ZNF549: variants seen among roughly 807,000 people sequenced by gnomAD.
ZNF549 encodes zinc finger protein 549.
A neutral mutation model predicts 11.1 loss-of-function variants in ZNF549; 11 were observed. That is an observed-to-expected ratio of 0.99 (90% confidence interval 0.62 to 1.64). ZNF549 has a LOEUF of 1.64. Among genes scored for constraint, ZNF549 ranks in the 40% most tolerant of loss-of-function variants. ZNF549 has a pLI of 0.00. For missense variants in ZNF549, 748 were observed against 765.1 expected (o/e 0.98, Z 0.26); for synonymous variants, 266 against 269.1 (o/e 0.99, Z 0.11).
rs764292252 is a variant in ZNF549, at chr19:57,537,664, A to G, written c.660A>G (p.Arg220=). The change falls in exon 4 of 4, where the codon AGA becomes AGG. Residue 220 remains arginine, a synonymous_variant. Transcript: ENST00000376233. ...GAAGCAGGGAGACCTTTCAACAAAG[A>G]CGTTACAAATGTGAGCAAGTTTTCA... The part of the protein sequence containing the change: ...AHRSRETFQQ[R]RYKCEQVFNE... The G allele has an allele frequency of 2.5e-5, 40 of 1,614,094 alleles. No homozygotes were observed. Among genetic ancestry groups the G allele is most frequent in the Non-Finnish European group, 2.8e-5 (33 of 1,180,036 alleles).
At chr19:57,533,389 G>A (rs1052727312) in intron 2 of ZNF549, among the ~76,000 whole-genome samples, 3 of 152,158 alleles carry the variant, frequency 2.0e-5, no homozygotes, top group African/African-American at 4.8e-5. Flanking sequence ...GATAGATTAG[G>A]CTCTGATAAT....
intron 1 of ZNF549, among the ~76,000 whole-genome samples, chr19:57,529,518 C>T (rs544203661): frequency 6.6e-5 from 10 of 152,298 alleles, no homozygotes; most frequent in South Asian, 2.1e-4. Flanking sequence ...CTCTAAATAT[C>T]TTACTGTACT....
Position 57,538,563 on chromosome 19 carries a change from A to G in ZNF549, c.1559A>G (p.Gln520Arg), listed in dbSNP as rs144559367. Residue 520 changes from glutamine (Q) to arginine (R), a missense_variant, in exon 4 of 4, where the codon CAA becomes CGA. Physicochemically the swap from Gln to Arg is conservative, Grantham distance 43. Transcript: ENST00000376233. ...FYLEVKLLQHQRIHTREQLCE... is the reference protein window; with the variant it reads ...FYLEVKLLQHRRIHTREQLCE... ...CTTGAGGTTAAACTTCTTCAGCACC[A>G]AAGAATCCATACTAGAGAACAACTT... is the stretch of plus-strand genomic sequence containing the variant. The G allele has an allele frequency of 2.2e-4, 362 of 1,614,226 alleles. 1 individual carries two copies. In the African/African-American group the frequency reaches 4.2e-3, roughly 19 times the overall value.
At position 57,535,218 on chromosome 19, in the gene ZNF549, G is replaced by T. The variant is rs536597943; in HGVS notation, c.147G>T (p.Arg49Ser). 31 of 1,613,968 alleles carry T rather than the reference G, an allele frequency of 1.9e-5. No individual in the cohort carries two copies. Among genetic ancestry groups the T allele is most frequent in the African/African-American group, 2.7e-5 (2 of 74,904 alleles). Residue 49 changes from arginine (R) to serine (S), a missense_variant, in exon 3 of 4, where the codon AGG becomes AGT. Coordinates refer to ENST00000376233, the MANE Select transcript of ZNF549 (RefSeq NM_001199295.2). ...EEWGLLDEAQ[R>S]CLYHDVMLEN... is the part of the protein sequence containing the mutation. Reference sequence around the variant, plus strand: ...GGGGCCTCCTTGATGAAGCTCAAAGGTGCCTGTATCATGATGTGATGCTGG... The same window carrying T: ...GGGGCCTCCTTGATGAAGCTCAAAGTTGCCTGTATCATGATGTGATGCTGG...
chr19:57,535,739 T>C (rs560400071), intron 3 of ZNF549, among the ~76,000 whole-genome samples: 46 of 152,248 alleles, frequency 3.0e-4, no homozygotes, highest in Admixed American at 2.9e-3. Flanking sequence ...CTGTCATGGG[T>C]TGGCGCACCC....
In ZNF549 at chr19:57,537,535, G is replaced by A; in HGVS notation, c.531G>A (p.Leu177=). The part of the protein sequence containing the change: ...ALLLNSCKIP[L]SDNLFPCKDV... ...TTCTGAATAGCTGCAAAATTCCTCT[G>A]TCAGACAATCTTTTCCCATGCAAAG... Residue 177 remains leucine, a synonymous_variant, in exon 4 of 4, where the codon CTG becomes CTA. Coordinates refer to ENST00000376233, the MANE Select transcript of ZNF549 (RefSeq NM_001199295.2). 6.2e-7 allele frequency: 1 copy of A among 1,614,202 alleles called. No individual in the cohort carries two copies. Among genetic ancestry groups the A allele is most frequent in the South Asian group, 1.1e-5 (1 of 91,084 alleles).
In ZNF549 at chr19:57,540,273, T is replaced by C. The variant is rs182079260; in HGVS notation, c.*1346T>C. The stretch of plus-strand genomic sequence containing the variant: ...TCCTTAATAATAAGTAAATCTTGTG[T>C]TATCCTATAGTCTGGTTTTCCAAAA... On this transcript the variant is annotated 3_prime_UTR_variant, in exon 4 of 4. Transcript: ENST00000376233. The C allele has an allele frequency of 6.6e-6, 1 of 152,382 alleles. No homozygotes were observed. Among genetic ancestry groups the C allele is most frequent in the African/African-American group, 2.4e-5 (1 of 41,596 alleles). The allele number at this position is 152,382 out of a possible 1,614,324, so 9.4% of individuals were successfully genotyped here.
In ZNF549 at chr19:57,527,897, C is replaced by T. The variant is rs143367206; in HGVS notation, c.33+291C>T. ...GGAGAAGAAGGCACGGCTGCCATGG[C>T]AGCCTGAGCAACCGGGGTTTTTAAT... On this transcript the variant is annotated intron_variant, in intron 1 of 3. Transcript: ENST00000376233. 6.5e-3 allele frequency among the ~76,000 whole-genome samples: 994 copies of T among 152,302 alleles called. 12 individuals carry two copies. Among genetic ancestry groups the T allele is most frequent in the African/African-American group, 0.022 (931 of 41,570 alleles).
rs2089942873 is a variant in ZNF549 at position 57,539,038 on chromosome 19, TGAAA to T, written c.*114_*117del. 6 of 1,248,692 alleles carry T rather than the reference TGAAA, an allele frequency of 4.8e-6. No homozygotes were observed. The highest frequency in any genetic ancestry group is 6.6e-6 in the Non-Finnish European group (6 of 909,208). 77.4% of individuals were successfully genotyped at this position (1,248,692 alleles called of 1,614,324 possible). A position where few individuals can be genotyped will look rare whatever the true frequency, so the allele number is the denominator to read the frequency against. On this transcript the variant is annotated 3_prime_UTR_variant, in exon 4 of 4. Coordinates refer to ENST00000376233, the MANE Select transcript of ZNF549 (RefSeq NM_001199295.2). ...CCTCATACATCTGCATATCACTAGT[TGAAA>T]GATTCACTACAAGGTCCAAGTACTT... is the stretch of plus-strand genomic sequence containing the variant.
chr19:57,538,141 C>G lies in ZNF549; in HGVS notation c.1137C>G (p.His379Gln). The G allele has an allele frequency of 1.2e-6, 2 of 1,614,084 alleles. No homozygotes were observed. Among genetic ancestry groups the G allele is most frequent in the Non-Finnish European group, 1.7e-6 (2 of 1,180,004 alleles). Residue 379 changes from histidine (H) to glutamine (Q), a missense_variant, in exon 4 of 4, where the codon CAC becomes CAG. Coordinates refer to ENST00000376233, the MANE Select transcript of ZNF549 (RefSeq NM_001199295.2). ...SFIHSYDRIR[H>Q]QRVHTGEGAY... ...TTCATTCCTATGACCGCATTCGACA[C>G]CAGAGAGTTCACACTGGAGAAGGGG...
At position 57,535,181 on chromosome 19, in the gene ZNF549, C is replaced by A; in HGVS notation, c.110C>A (p.Ser37Tyr). ...TTTGAGGATATTGCTGTGTACTTCT[C>A]CCAGGAGGAGTGGGGCCTCCTTGAT... ...VTFEDIAVYFSQEEWGLLDEA... is the reference protein window; with the variant it reads ...VTFEDIAVYFYQEEWGLLDEA... Residue 37 changes from serine to tyrosine, a missense_variant, in exon 3 of 4, where the codon TCC becomes TAC. Ser to Tyr is a moderately radical substitution (Grantham distance 144, BLOSUM62 -2). Coordinates refer to ENST00000376233, the MANE Select transcript of ZNF549 (RefSeq NM_001199295.2). 1 of 1,614,096 alleles carries A rather than the reference C, an allele frequency of 6.2e-7. No homozygotes were observed. Among genetic ancestry groups the A allele is most frequent in the East Asian group, 2.2e-5 (1 of 44,878 alleles).
chr19:57,532,169 A>G (rs2089906959), intron 2 of ZNF549, among the ~76,000 whole-genome samples: 1 of 152,060 alleles, frequency 6.6e-6, no homozygotes, highest in Non-Finnish European at 1.5e-5. Flanking sequence ...GTTGAATTCC[A>G]TTGTGATTGC....
rs753921554 is a variant in ZNF549, at chr19:57,537,255, C to G, written c.251C>G (p.Ser84Cys). Residue 84 changes from serine to cysteine, a missense_variant, in exon 4 of 4, where the codon TCT becomes TGT. Coordinates refer to ENST00000376233, the MANE Select transcript of ZNF549 (RefSeq NM_001199295.2). ...GAGGCCCCTTCTGAGCAGACTCTTT[C>G]TGCGCAAGGAGTGTCACAGGCCAGG... ...AEEAPSEQTL[S>C]AQGVSQARTP... 6.2e-7 allele frequency: 1 copy of G among 1,614,188 alleles called. No individual in the cohort carries two copies. Among genetic ancestry groups the G allele is most frequent in the Non-Finnish European group, 8.5e-7 (1 of 1,180,032 alleles).
Position 57,538,348 on chromosome 19 carries a change from C to A in ZNF549, c.1344C>A (p.Ile448=). ...IHTGEKPYVC[I]ICGKSFIRSS... ...CTGGAGAAAAGCCTTATGTGTGCAT[C>A]ATATGTGGGAAATCATTTATCCGCT... is the stretch of plus-strand genomic sequence containing the variant. The change falls in exon 4 of 4, where the codon ATC becomes ATA. Residue 448 remains isoleucine, a synonymous_variant. Coordinates refer to ENST00000376233, the MANE Select transcript of ZNF549 (RefSeq NM_001199295.2). 1 of 1,613,296 alleles carries A rather than the reference C, an allele frequency of 6.2e-7. No individual in the cohort carries two copies. Among genetic ancestry groups the A allele is most frequent in the Non-Finnish European group, 8.5e-7 (1 of 1,179,842 alleles).
chr19:57,529,640 A>G (rs186701804), intron 1 of ZNF549, among the ~76,000 whole-genome samples: 1,761 of 152,298 alleles, frequency 0.012, 40 homozygotes, highest in African/African-American at 0.04. Flanking sequence ...TAATCCCAGC[A>G]CTTTGGGAGG....
At position 57,527,588 on chromosome 19, in the gene ZNF549, G is replaced by C. The variant is rs374139448; in HGVS notation, c.15G>C (p.Ala5=). The change falls in exon 1 of 4, where the codon GCG becomes GCC. Residue 5 remains alanine, a synonymous_variant. Coordinates refer to ENST00000376233, the MANE Select transcript of ZNF549 (RefSeq NM_001199295.2). MAEA[A]LVITPQIPMV... ...CCTAAAGTCCCATGGCCGAGGCAGC[G>C]CTAGTGATTACGCCGCAGGTGAGAG... 6 of 1,613,660 alleles carry C rather than the reference G, an allele frequency of 3.7e-6. No homozygotes were observed. The African/African-American group carries it at 8.0e-5, about 22-fold the overall frequency.
Position 57,537,347 on chromosome 19 carries a change from G to A in ZNF549, c.343G>A (p.Asp115Asn), listed in dbSNP as rs145051860. 1.2e-6 allele frequency: 2 copies of A among 1,614,048 alleles called. No individual in the cohort carries two copies. Among genetic ancestry groups the A allele is most frequent in the African/African-American group, 2.7e-5 (2 of 74,916 alleles). The change falls in exon 4 of 4, where the codon GAC becomes AAC. Residue 115 changes from aspartate (D) to asparagine (N), a missense_variant. By Grantham distance (23) the Asp-to-Asn change is conservative. Coordinates refer to ENST00000376233, the MANE Select transcript of ZNF549 (RefSeq NM_001199295.2). ...TGAGATGTGTATCCTGGTCATGAAA[G>A]ACATTTTGTACCTCAGTGAGCATCA... Reference protein sequence around the residue: ...SCEMCILVMKDILYLSEHQGT... With the variant: ...SCEMCILVMKNILYLSEHQGT...
rs560417278 is a variant in ZNF549, at chr19:57,529,557, A to G, written c.34-1513A>G. Among the ~76,000 whole-genome samples the G allele has an allele frequency of 3.3e-5, 5 of 152,326 alleles. 1 individual carries two copies. In the South Asian group the frequency reaches 1.0e-3, roughly 32 times the overall value. On this transcript the variant is annotated intron_variant, in intron 1 of 3. Transcript: ENST00000376233. Reference sequence around the variant, plus strand: ...CACCCTTGTGATGAAGAAGGGACTAAACTCGATAGAGTGAGATTTCCTCAC... The same window carrying G: ...CACCCTTGTGATGAAGAAGGGACTAGACTCGATAGAGTGAGATTTCCTCAC...
intron 1 of ZNF549, 54 bp from the exon 2 acceptor site, chr19:57,531,016 C>CTTTGTA (rs2089901710): frequency 6.3e-7 from 1 of 1,575,010 alleles, no homozygotes; most frequent in African/African-American, 1.3e-5. Context: ...GCAACTTACC[C>CTTTGTA]TTTGTAAATG....
Sources: gnomAD v4.1 joint callset for allele counts (sites outside exome capture counted in the v4.1 genomes callset) on GRCh38, gnomAD v4.1.1 for gene constraint, MANE v1.5 for transcripts, NCBI Gene and HGNC (gene_info 2026-07-23, HGNC 2026-07-21) for gene names.